MAML3: variants seen among roughly 807,000 people sequenced by gnomAD.
MAML3 encodes mastermind-like protein 3.
A neutral mutation model predicts 101.9 loss-of-function variants in MAML3; 27 were observed. The ratio of observed to expected loss-of-function variants is 0.27; its 90% CI spans 0.20 to 0.37. MAML3 has a LOEUF of 0.37. Ranked by LOEUF, MAML3 falls within the 10% of genes least tolerant of loss-of-function variation. The probability of loss-of-function intolerance (pLI) is 1.00; values close to 1 mark genes in which losing one functional copy is unlikely to be tolerated. For synonymous variants in MAML3, 501 were observed against 555.9 expected, an observed-to-expected ratio of 0.90 and a Z score of 1.39; for missense variants, 1,316 against 1,444.9, an observed-to-expected ratio of 0.91 and a Z score of 1.45.
intron 2 of MAML3, among the ~76,000 whole-genome samples, chr4:139,734,226 C>CT (rs1181627796): frequency 6.6e-6 from 1 of 152,220 alleles, no homozygotes; most frequent in Non-Finnish European, 1.5e-5. Context: ...GAGAAATAGT[C>CT]TGTCAAATTT....
At position 139,889,509 on chromosome 4, in the gene MAML3, G is replaced by T. The variant is rs1370516039; in HGVS notation, c.1927C>A (p.Gln643Lys). Residue 643 changes from glutamine to lysine, a missense_variant, in exon 2 of 5, where the codon CAG (glutamine) becomes AAG (lysine). Physicochemically the swap from Gln to Lys is moderately conservative, Grantham distance 53. Transcript: ENST00000509479. ...QQQQQQQQQQ[Q>K]QQQQQQQPPP... Reference sequence around the variant, plus strand: ...GGCTGCTGCTGCTGCTGCTGCTGCTGTTGCTGTTGCTGCTGCTGTTGCTGC... The same window carrying T: ...GGCTGCTGCTGCTGCTGCTGCTGCTTTTGCTGTTGCTGCTGCTGTTGCTGC... 1 of 1,607,076 alleles carries T rather than the reference G, an allele frequency of 6.2e-7. No homozygotes were observed. Among genetic ancestry groups the T allele is most frequent in the Admixed American group, 1.7e-5 (1 of 59,920 alleles).
chr4:139,725,897 T>C lies in MAML3; in HGVS notation c.2332-62A>G, dbSNP rs1046276998. On this transcript the variant is annotated intron_variant, in intron 3 of 4. Coordinates refer to ENST00000509479, the MANE Select transcript of MAML3 (RefSeq NM_018717.5). Reference sequence around the variant, plus strand: ...GATAGGGAGCAAGCACACAATTCAATATCCCAGCAGTTCCGAGGAAGGTAG... The same window carrying C: ...GATAGGGAGCAAGCACACAATTCAACATCCCAGCAGTTCCGAGGAAGGTAG... 1.1e-5 allele frequency: 15 copies of C among 1,368,540 alleles called. No homozygotes were observed. The Middle Eastern group carries it at 5.8e-4, about 52-fold the overall frequency. 84.8% of individuals were successfully genotyped at this position (1,368,540 alleles called of 1,614,324 possible).
chr4:139,839,335 C>G (rs377018835), intron 2 of MAML3, among the ~76,000 whole-genome samples: 1 of 152,164 alleles, frequency 6.6e-6, no homozygotes, highest in African/African-American at 2.4e-5. Flanking sequence ...GGCAAAAGTA[C>G]TCTTGAAACA....
chr4:139,901,392 T>G (rs1732715334), intron 1 of MAML3, among the ~76,000 whole-genome samples: 1 of 152,234 alleles, frequency 6.6e-6, no homozygotes, highest in Non-Finnish European at 1.5e-5. Context: ...TTGTTTCATA[T>G]ACATAAATAC....
At chr4:140,151,680 C>G (rs928770864) in intron 1 of MAML3, among the ~76,000 whole-genome samples, 2 of 75,572 alleles carry the variant, frequency 2.6e-5, no homozygotes, top group African/African-American at 5.0e-5. Context: ...AGCACCCGGG[C>G]GGCGCGGTGC....
At chr4:139,930,778 G>A (rs1733375113) in intron 1 of MAML3, among the ~76,000 whole-genome samples, 1 of 151,932 alleles carries the variant, frequency 6.6e-6, no homozygotes, top group South Asian at 2.1e-4. Context: ...CTAGACATCT[G>A]TACTTATTTA....
intron 2 of MAML3, among the ~76,000 whole-genome samples, chr4:139,836,991 G>A (rs1165015681): frequency 6.6e-6 from 1 of 151,752 alleles, no homozygotes; most frequent in Non-Finnish European, 1.5e-5. Flanking sequence ...GCTTGGTGGT[G>A]CATGCCTGCA....
intron 2 of MAML3, among the ~76,000 whole-genome samples, chr4:139,814,025 A>AAC (rs70943442): frequency 0.32 from 46,493 of 144,992 alleles, 7,500 homozygotes; most frequent in East Asian, 0.55. Flanking sequence ...CACAAACACA[A>AAC]ACACACACAC....
chr4:139,942,171 A>AAGGCAGGCAGGCAGGCAGGC (rs561148147), intron 1 of MAML3, among the ~76,000 whole-genome samples: 5 of 76,860 alleles, frequency 6.5e-5, no homozygotes, highest in Middle Eastern at 5.6e-3. Context: ...GGAGGGAGGG[A>AAGGCAGGCAGGCAGGCAGGC]AGGCAGGCAG....
At chr4:139,856,815 C>T (rs2111161169) in intron 2 of MAML3, among the ~76,000 whole-genome samples, 1 of 152,292 alleles carries the variant, frequency 6.6e-6, no homozygotes, top group East Asian at 1.9e-4. Flanking sequence ...TAATTTGTAA[C>T]TCTTAGGAGA....
In MAML3 at chr4:139,890,275, A is replaced by G; in HGVS notation, c.1161T>C (p.Thr387=). 3 of 1,613,946 alleles carry G rather than the reference A, an allele frequency of 1.9e-6. No individual in the cohort carries two copies. Among genetic ancestry groups the G allele is most frequent in the Non-Finnish European group, 2.5e-6 (3 of 1,179,888 alleles). ...AAGGTAAACTAGTGGCCGTGGAGAC[A>G]GTAGAAAAGGGAGGACCAGAAGAAG... The part of the protein sequence containing the change: ...RPSSSGPPFS[T]VSTATSLPSV... Residue 387 remains threonine, a synonymous_variant, in exon 2 of 5, where the codon ACT becomes ACC. Coordinates refer to ENST00000509479, the MANE Select transcript of MAML3 (RefSeq NM_018717.5). This position sits in a 1 kb window ranked among gnomAD's most constrained non-coding sequence, Gnocchi z 4.1.
chr4:139,914,597 A>C (rs773348144), intron 1 of MAML3, among the ~76,000 whole-genome samples: 2 of 152,212 alleles, frequency 1.3e-5, no homozygotes, highest in African/African-American at 2.4e-5. Context: ...AACTAATGGC[A>C]AGGAAAGAAA....
chr4:139,813,151 T>C (rs752522736), intron 2 of MAML3, among the ~76,000 whole-genome samples: 7 of 150,422 alleles, frequency 4.7e-5, no homozygotes, highest in Non-Finnish European at 7.4e-5. Flanking sequence ...GTAAAAAATA[T>C]GAAAAATAGA....
chr4:139,893,918 A>C (rs1732553662), intron 1 of MAML3, among the ~76,000 whole-genome samples: 1 of 152,118 alleles, frequency 6.6e-6, no homozygotes, highest in Non-Finnish European at 1.5e-5. Context: ...GAGGGGTTAG[A>C]AGGGTTTCAG....
chr4:140,109,965 T>G (rs538582592), intron 1 of MAML3, among the ~76,000 whole-genome samples: 1 of 152,302 alleles, frequency 6.6e-6, no homozygotes, highest in African/African-American at 2.4e-5. Flanking sequence ...CTCTTCAAAA[T>G]TATTTTATTC....
At chr4:139,968,002 G>A (rs1282729694) in intron 1 of MAML3, among the ~76,000 whole-genome samples, 1 of 151,348 alleles carries the variant, frequency 6.6e-6, no homozygotes, top group Admixed American at 6.6e-5. Flanking sequence ...AGAAAAGCCA[G>A]GTGCAGTGGC....
chr4:140,094,034 C>T (rs72714221), intron 1 of MAML3, among the ~76,000 whole-genome samples: 3,837 of 152,324 alleles, frequency 0.025, 88 homozygotes, highest in Middle Eastern at 0.031. Flanking sequence ...TGGATCTGCA[C>T]AGCCTGGTCT....
Position 139,867,354 on chromosome 4 carries a change from A to C in MAML3, c.2079+22003T>G, listed in dbSNP as rs565533746. Among the ~76,000 whole-genome samples the C allele has an allele frequency of 3.9e-5, 6 of 152,358 alleles. No individual in the cohort carries two copies. The East Asian group carries it at 1.2e-3, about 29-fold the overall frequency. On this transcript the variant is annotated intron_variant, in intron 2 of 4. Transcript: ENST00000509479. ...GGATGTGTTACTTCAAAAAGAAAAAAAAGTTAAAATCCATAGGCCTAGAGG... is the reference window on the plus strand; with the variant it reads ...GGATGTGTTACTTCAAAAAGAAAAACAAGTTAAAATCCATAGGCCTAGAGG...
chr4:139,815,917 C>CGATGAGCA, intron 2 of MAML3, among the ~76,000 whole-genome samples: 1 of 152,218 alleles, frequency 6.6e-6, no homozygotes, highest in Middle Eastern at 3.4e-3. Flanking sequence ...AATAATACTT[C>CGATGAGCA]TAACGCTTGA....
Sources: allele counts gnomAD v4.1 joint callset (sites outside exome capture counted in the v4.1 genomes callset), GRCh38; gene constraint gnomAD v4.1.1; non-coding constraint Gnocchi (gnomAD v3.1); transcripts MANE v1.5; gene names NCBI Gene and HGNC (gene_info 2026-07-23, HGNC 2026-07-21).